Variants in CNTN3 observed in about 807,000 individuals in gnomAD.
CNTN3 encodes contactin-3.
Under a neutral mutation model 119.1 loss-of-function variants are expected in CNTN3, and 60 were observed. The ratio of observed to expected loss-of-function variants is 0.50; its 90% confidence interval spans 0.41 to 0.62. The LOEUF (loss-of-function observed/expected upper bound fraction) is 0.62. CNTN3 is among the 20% of genes least tolerant of loss of function. The pLI is 0.00. For synonymous variants in CNTN3, 450 were observed against 438.7 expected (o/e 1.03, Z -0.32); for missense variants, 1,101 against 1,242.4 (o/e 0.89, Z 1.71).
intron 3 of CNTN3, among the ~76,000 whole-genome samples, chr3:74,494,262 G>T (rs1409431718): frequency 1.3e-5 from 2 of 151,938 alleles, no homozygotes; most frequent in Non-Finnish European, 2.9e-5. Flanking sequence ...ATCAATACGT[G>T]TACATCCATT....
chr3:74,495,184 A>G (rs1194730769), intron 3 of CNTN3, among the ~76,000 whole-genome samples: 2 of 152,074 alleles, frequency 1.3e-5, no homozygotes, highest in African/African-American at 4.8e-5. Context: ...GCATGAACAC[A>G]GAGATCTGGA....
intron 1 of CNTN3, among the ~76,000 whole-genome samples, chr3:74,555,276 G>A (rs1361784987): frequency 6.6e-6 from 1 of 152,192 alleles, no homozygotes; most frequent in Non-Finnish European, 1.5e-5. Flanking sequence ...CTTGATCGTA[G>A]TGGATAACCT....
intron 4 of CNTN3, among the ~76,000 whole-genome samples, chr3:74,468,443 T>G (rs968323872): frequency 2.0e-5 from 3 of 152,280 alleles, no homozygotes; most frequent in African/African-American, 7.2e-5. Context: ...TTTTAGATGC[T>G]CAGTTCCCAG....
At chr3:74,606,336 C>A (rs1395387945) in intron 1 of CNTN3, among the ~76,000 whole-genome samples, 2 of 151,946 alleles carry the variant, frequency 1.3e-5, no homozygotes, top group Non-Finnish European at 2.9e-5. Context: ...TGCTTGAACG[C>A]TTACAAGATG....
At chr3:74,472,038 T>C (rs1477945071) in intron 4 of CNTN3, among the ~76,000 whole-genome samples, 1 of 152,212 alleles carries the variant, frequency 6.6e-6, no homozygotes, top group Non-Finnish European at 1.5e-5. Flanking sequence ...ATGCTATCAT[T>C]ATAACTCCAC....
intron 5 of CNTN3, among the ~76,000 whole-genome samples, chr3:74,390,654 C>T (rs541704698): frequency 6.6e-6 from 1 of 152,300 alleles, no homozygotes; most frequent in African/African-American, 2.4e-5. Flanking sequence ...CATAGCCTGT[C>T]AGGCAAATCG....
chr3:74,327,105 CCTTTTTT>C (rs1386056659), intron 13 of CNTN3, among the ~76,000 whole-genome samples: 474 of 90,700 alleles, frequency 5.2e-3, no homozygotes, highest in Admixed American at 0.011. Flanking sequence ...AAGGGTTAAT[CCTTTTTT>C]TTTTTTTTTT....
intron 1 of CNTN3, among the ~76,000 whole-genome samples, chr3:74,532,050 A>G (rs1437711291): frequency 6.6e-6 from 1 of 151,930 alleles, no homozygotes; most frequent in East Asian, 1.9e-4. Context: ...GGGAGAGAGG[A>G]AAGAGGAAGG....
chr3:74,396,455 A>C (rs1705056582), intron 5 of CNTN3, among the ~76,000 whole-genome samples: 1 of 152,204 alleles, frequency 6.6e-6, no homozygotes. Context: ...ATCCAGAACA[A>C]GGCCCTAACT....
At chr3:74,290,764 T>C (rs979278045) in intron 19 of CNTN3, among the ~76,000 whole-genome samples, 6 of 152,184 alleles carry the variant, frequency 3.9e-5, no homozygotes, top group African/African-American at 1.4e-4. Flanking sequence ...TGATCTCGGC[T>C]CACTGCAAGC....
At position 74,609,083 on chromosome 3, in the gene CNTN3, T is replaced by C. The variant is rs577932540; in HGVS notation, c.-81+5308A>G. ...AATAAGGAGAGTGGAGTGGAAGTCA[T>C]GGGTGTTCCAAGCACATGCAAGAAC... On this transcript the variant is annotated intron_variant, in intron 1 of 22. Transcript: ENST00000263665. 3.5e-4 allele frequency among the ~76,000 whole-genome samples: 53 copies of C among 152,242 alleles called. No individual in the cohort carries two copies. The East Asian group carries it at 7.0e-3, about 20-fold the overall frequency.
intron 4 of CNTN3, among the ~76,000 whole-genome samples, chr3:74,459,628 T>C (rs1269311301): frequency 1.3e-5 from 2 of 151,920 alleles, no homozygotes; most frequent in Non-Finnish European, 2.9e-5. Flanking sequence ...TAAGGCTTTG[T>C]ACATGCTGTG....
intron 4 of CNTN3, among the ~76,000 whole-genome samples, chr3:74,467,126 G>T (rs929621890): frequency 6.6e-6 from 1 of 151,676 alleles, no homozygotes; most frequent in Non-Finnish European, 1.5e-5. Flanking sequence ...TTTCAAAAAA[G>T]GTATACTATA....
intron 2 of CNTN3, among the ~76,000 whole-genome samples, chr3:74,501,615 A>G (rs1056853102): frequency 1.3e-5 from 2 of 152,150 alleles, no homozygotes; most frequent in African/African-American, 2.4e-5. Context: ...AAAGACTGTT[A>G]GAAGTAAGGG....
intron 4 of CNTN3, among the ~76,000 whole-genome samples, chr3:74,452,736 A>C (rs1702184228): frequency 6.8e-6 from 1 of 147,986 alleles, no homozygotes; most frequent in Non-Finnish European, 1.5e-5. Flanking sequence ...GAGTTGTTGA[A>C]TTTTGTCAAA....
At chr3:74,313,428 C>T (rs991598114) in intron 13 of CNTN3, among the ~76,000 whole-genome samples, 1 of 151,366 alleles carries the variant, frequency 6.6e-6, no homozygotes, top group Non-Finnish European at 1.5e-5. Context: ...TGGCATACCA[C>T]AGAAAATGAA....
intron 5 of CNTN3, among the ~76,000 whole-genome samples, chr3:74,424,294 T>C (rs557015648): frequency 1.3e-5 from 2 of 152,162 alleles, no homozygotes; most frequent in East Asian, 3.9e-4. Flanking sequence ...GAATTTCTAG[T>C]AATATTTCAA....
intron 2 of CNTN3, among the ~76,000 whole-genome samples, chr3:74,503,176 C>T (rs1166470906): frequency 6.6e-6 from 1 of 152,154 alleles, no homozygotes; most frequent in Non-Finnish European, 1.5e-5. Flanking sequence ...GATATCAACC[C>T]TAGTCCTCAT....
Position 74,574,889 on chromosome 3 carries a change from A to G in CNTN3, c.-81+39502T>C, listed in dbSNP as rs538329579. Among the ~76,000 whole-genome samples, 215 of 151,878 alleles carry G rather than the reference A, an allele frequency of 1.4e-3. 1 individual carries two copies. The highest frequency in any genetic ancestry group is 4.5e-3 in the African/African-American group (186 of 41,364). ...TAGAGAGAGGACTGCTCACTGTGAG[A>G]GAAAGGAAAGCAAATGCTTTTCCCA... On this transcript the variant is annotated intron_variant, in intron 1 of 22. Coordinates refer to ENST00000263665, the MANE Select transcript of CNTN3 (RefSeq NM_020872.3).
Sources: gnomAD v4.1 joint callset for allele counts (sites outside exome capture counted in the v4.1 genomes callset) on GRCh38, gnomAD v4.1.1 for gene constraint, MANE v1.5 for transcripts, NCBI Gene and HGNC (gene_info 2026-07-23, HGNC 2026-07-21) for gene names.